SLC44A5: variants seen among roughly 807,000 people sequenced by gnomAD.
SLC44A5 encodes solute carrier family 44 member 5, also known as choline transporter-like protein 5.
Under a neutral mutation model 101.8 loss-of-function variants are expected in SLC44A5, and 57 were observed. The ratio of observed to expected loss-of-function variants is 0.56; its 90% CI spans 0.45 to 0.70. SLC44A5 has a LOEUF of 0.70. Among genes scored for constraint, SLC44A5 ranks in the 30% least tolerant of loss-of-function variants. The pLI, the probability that SLC44A5 is intolerant of heterozygous loss-of-function variation, is 0.00. For missense variants in SLC44A5, 737 were observed against 853.1 expected (o/e 0.86, Z 1.70); for synonymous variants, 281 against 290.9 (o/e 0.97, Z 0.35).
chr1:75,547,390 A>T (rs1324032979), intron 1 of SLC44A5, among the ~76,000 whole-genome samples: 1 of 152,228 alleles, frequency 6.6e-6, no homozygotes, highest in Non-Finnish European at 1.5e-5. Context: ...AGAACTCTCA[A>T]TGGAAATTTT....
intron 3 of SLC44A5, among the ~76,000 whole-genome samples, chr1:75,372,236 G>A (rs1660276971): frequency 6.7e-6 from 1 of 149,794 alleles, no homozygotes; most frequent in African/African-American, 2.5e-5. Flanking sequence ...TAAGGAAAGA[G>A]CTTTTTCCCA....
At chr1:75,505,185 C>T (rs1203943841) in intron 2 of SLC44A5, among the ~76,000 whole-genome samples, 1 of 152,118 alleles carries the variant, frequency 6.6e-6, no homozygotes, top group Non-Finnish European at 1.5e-5. Context: ...CTTTTTATGG[C>T]TGCATAGTAT....
intron 6 of SLC44A5, among the ~76,000 whole-genome samples, chr1:75,265,112 C>G (rs1486175400): frequency 6.6e-6 from 1 of 152,220 alleles, no homozygotes; most frequent in East Asian, 1.9e-4. Flanking sequence ...ATCAGTGATA[C>G]AAAGTTTCCA....
the SLC44A5 span, among the ~76,000 whole-genome samples, chr1:75,696,939 C>T: frequency 0.3 from 44,635 of 150,996 alleles, 6,771 homozygotes; most frequent in Non-Finnish European, 0.33. Flanking sequence ...GTGTTTTATG[C>T]GATCAGGAGT....
chr1:75,502,858 G>A (rs1357792300), intron 2 of SLC44A5, among the ~76,000 whole-genome samples: 1 of 152,032 alleles, frequency 6.6e-6, no homozygotes, highest in Non-Finnish European at 1.5e-5. Flanking sequence ...AATGTAATAG[G>A]CCTCGCACTG....
In SLC44A5 at chr1:75,537,027, A is replaced by T. The variant is rs1267649136; in HGVS notation, c.13+4408T>A. On this transcript the variant is annotated intron_variant, in intron 2 of 23. Transcript: ENST00000370859. ...TCTCAAAAAAAAAAAAAAAAAAAAA[A>T]AAAAAAATATATATCTATGCCAAAT... Among the ~76,000 whole-genome samples, 57 of 34,130 alleles carry T rather than the reference A, an allele frequency of 1.7e-3. 1 individual carries two copies. In the East Asian group the frequency reaches 0.035, roughly 21 times the overall value. The allele number at this position is 34,130 out of a possible 152,430, so 22.4% of individuals were successfully genotyped here.
intron 10 of SLC44A5, among the ~76,000 whole-genome samples, chr1:75,237,554 AC>A (rs1648209624): frequency 6.6e-6 from 1 of 151,984 alleles, no homozygotes; most frequent in African/African-American, 2.4e-5. Flanking sequence ...AACATTGTCA[AC>A]CCCTTCTTCA....
the SLC44A5 span, among the ~76,000 whole-genome samples, chr1:75,621,535 G>GA: frequency 6.6e-6 from 1 of 152,200 alleles, no homozygotes; most frequent in Admixed American, 6.5e-5. Context: ...TGAAAAGGTT[G>GA]AAAAATATGA....
chr1:75,215,979 A>G, intron 18 of SLC44A5, 122 bp from the exon 19 acceptor site: 1 of 606,044 alleles, frequency 1.7e-6, no homozygotes, highest in Non-Finnish European at 2.9e-6. Flanking sequence ...AATATACATA[A>G]TATAAAATTT....
At chr1:75,592,178 T>G (rs1202234689) in intron 1 of SLC44A5, among the ~76,000 whole-genome samples, 1 of 152,114 alleles carries the variant, frequency 6.6e-6, no homozygotes, top group Admixed American at 6.5e-5. Flanking sequence ...TTCAGTAAAG[T>G]TGCAGGATAC....
chr1:75,694,480 CT>C, the SLC44A5 span, among the ~76,000 whole-genome samples: 1 of 151,968 alleles, frequency 6.6e-6, no homozygotes, highest in African/African-American at 2.4e-5. Flanking sequence ...AAAAACATGC[CT>C]ATTTCTCCTT....
chr1:75,337,595 G>A (rs1437048578), intron 4 of SLC44A5, among the ~76,000 whole-genome samples: 3 of 152,110 alleles, frequency 2.0e-5, no homozygotes, highest in Non-Finnish European at 2.9e-5. Flanking sequence ...GGGGCCTGAA[G>A]ATCTATTTTG....
intron 2 of SLC44A5, among the ~76,000 whole-genome samples, chr1:75,483,227 T>G (rs1279034459): frequency 6.6e-6 from 1 of 152,188 alleles, no homozygotes; most frequent in Non-Finnish European, 1.5e-5. Flanking sequence ...TTAATCAATC[T>G]GAAATTAAGA....
chr1:75,267,167 A>G (rs1272849816), intron 6 of SLC44A5, among the ~76,000 whole-genome samples: 1 of 152,168 alleles, frequency 6.6e-6, no homozygotes, highest in East Asian at 1.9e-4. Flanking sequence ...TAGAAGGCCA[A>G]TGCATGCTTC....
intron 19 of SLC44A5, among the ~76,000 whole-genome samples, chr1:75,215,521 G>A (rs1646943090): frequency 6.6e-6 from 1 of 151,990 alleles, no homozygotes; most frequent in South Asian, 2.1e-4. Flanking sequence ...TCCAAAGTGT[G>A]TAATATTTTT....
At chr1:75,460,910 G>A (rs1666459992) in intron 2 of SLC44A5, among the ~76,000 whole-genome samples, 1 of 151,696 alleles carries the variant, frequency 6.6e-6, no homozygotes, top group African/African-American at 2.4e-5. Context: ...AATTTGAATG[G>A]TTTTCCATTC....
intron 2 of SLC44A5, among the ~76,000 whole-genome samples, chr1:75,470,450 C>T (rs1263450287): frequency 6.6e-6 from 1 of 152,136 alleles, no homozygotes. Flanking sequence ...TCTTCTGTAA[C>T]ATAACGGTAG....
At chr1:75,538,832 G>C (rs1477281490) in intron 2 of SLC44A5, among the ~76,000 whole-genome samples, 1 of 152,142 alleles carries the variant, frequency 6.6e-6, no homozygotes, top group Non-Finnish European at 1.5e-5. Flanking sequence ...GGTGTCCCAG[G>C]CATTCCTCTG....
intron 3 of SLC44A5, among the ~76,000 whole-genome samples, chr1:75,392,374 A>G (rs772448845): frequency 4.6e-5 from 7 of 152,214 alleles, no homozygotes; most frequent in Non-Finnish European, 8.8e-5. Context: ...AAGAAGATAT[A>G]CAAGTGGCCA....
Sources: gnomAD v4.1 joint callset for allele counts (sites outside exome capture counted in the v4.1 genomes callset) on GRCh38, gnomAD v4.1.1 for gene constraint, MANE v1.5 for transcripts, NCBI Gene and HGNC (gene_info 2026-07-23, HGNC 2026-07-21) for gene names.